ARMC6: variants seen among roughly 807,000 people sequenced by gnomAD.
The protein encoded by ARMC6 is armadillo repeat containing 6.
In ARMC6, 43 loss-of-function variants were observed where a neutral mutation model predicts 49.2. The ratio of observed to expected loss-of-function variants is 0.87; its 90% CI spans 0.69 to 1.13. The LOEUF is 1.13. Ranked by LOEUF, ARMC6 falls within the 50% of genes most tolerant of loss-of-function variation. ARMC6 has a pLI of 0.00. For missense variants in ARMC6, 627 were observed against 682.0 expected (o/e 0.92, Z 0.90); for synonymous variants, 262 against 289.6 (o/e 0.90, Z 0.97).
chr19:19,037,248 G>A (rs776092543), intron 2 of ARMC6, among the ~76,000 whole-genome samples: 5 of 152,022 alleles, frequency 3.3e-5, no homozygotes, highest in South Asian at 2.1e-4. Context: ...GGCTGGCTGC[G>A]AGCCAGTCCT....
chr19:19,035,768 G>A (rs34750402), intron 2 of ARMC6, among the ~76,000 whole-genome samples: 9,811 of 151,770 alleles, frequency 0.065, 383 homozygotes, highest in Middle Eastern at 0.15. Context: ...GTGTCAATCA[G>A]TTAGAAAGCT....
In ARMC6 at chr19:19,057,778, G is replaced by T. The variant is rs753498341; in HGVS notation, c.*150G>T. On this transcript the variant is annotated 3_prime_UTR_variant, in exon 9 of 9. Transcript: ENST00000535612. ...GGCCCTAGGTAAAGGGTCGGGGGAG[G>T]GGGGAGCCTTGTAGGGAGGCCTCTA... 3.7e-5 allele frequency: 32 copies of T among 864,524 alleles called. No individual in the cohort carries two copies. Among genetic ancestry groups the T allele is most frequent in the Admixed American group, 2.9e-4 (17 of 58,620 alleles). 53.6% of individuals were successfully genotyped at this position (864,524 alleles called of 1,614,324 possible). A position where few individuals can be genotyped will look rare whatever the true frequency, so the allele number is the denominator to read the frequency against.
At position 19,051,929 on chromosome 19, in the gene ARMC6, G is replaced by T. The variant is rs2059500665; in HGVS notation, c.587G>T (p.Cys196Phe). 6.2e-7 allele frequency: 1 copy of T among 1,614,034 alleles called. No individual in the cohort carries two copies. Among genetic ancestry groups the T allele is most frequent in the South Asian group, 1.1e-5 (1 of 91,088 alleles). The part of the protein sequence containing the change: ...TQNADEADLT[C>F]SGIRCVRHAC... ...AATGCTGATGAGGCTGACCTGACCT[G>T]CTCTGGGATCCGCTGTGTGCGTCAC... The change falls in exon 5 of 9, where the codon TGC (cysteine) becomes TTC (phenylalanine). Residue 196 changes from cysteine to phenylalanine, a missense_variant. Transcript: ENST00000535612.
Position 19,058,016 on chromosome 19 carries a change from G to T in ARMC6, c.*388G>T. The T allele has an allele frequency of 5.9e-6, 2 of 337,920 alleles. 1 individual carries two copies. The highest frequency in any genetic ancestry group is 5.2e-5 in the South Asian group (2 of 38,706). The allele number at this position is 337,920 out of a possible 1,614,324, so 20.9% of individuals were successfully genotyped here. A position where few individuals can be genotyped will look rare whatever the true frequency, so the allele number is the denominator to read the frequency against. ...TTCCAGTGGGGTTGGGCCCCCTGGC[G>T]CCTGCTGCTTACTGCAGTTTCATGC... On this transcript the variant is annotated 3_prime_UTR_variant, in exon 9 of 9. Transcript: ENST00000535612.
intron 5 of ARMC6, 85 bp from the exon 6 acceptor site, chr19:19,054,066 TC>T (rs1364927838): frequency 7.3e-7 from 1 of 1,373,840 alleles, no homozygotes; most frequent in South Asian, 1.6e-5. Context: ...GCTGGACTCT[TC>T]CAGTGGAGCA....
chr19:19,035,696 G>A (rs188936477), intron 2 of ARMC6, among the ~76,000 whole-genome samples: 1 of 152,304 alleles, frequency 6.6e-6, no homozygotes, highest in African/African-American at 2.4e-5. Flanking sequence ...AGGAAAGGCA[G>A]CCACCTGGAA....
chr19:19,057,998 G>T lies in ARMC6; in HGVS notation c.*370G>T. On this transcript the variant is annotated 3_prime_UTR_variant, in exon 9 of 9. Coordinates refer to ENST00000535612, the MANE Select transcript of ARMC6 (RefSeq NM_001199196.2). The stretch of plus-strand genomic sequence containing the variant: ...TCAGGGCAGGGCAGGCGATTCCAGT[G>T]GGGTTGGGCCCCCTGGCGCCTGCTG... The T allele has an allele frequency of 2.8e-6, 1 of 354,756 alleles. No homozygotes were observed. The highest frequency in any genetic ancestry group is 4.2e-5 in the Admixed American group (1 of 23,898). 22.0% of individuals were successfully genotyped at this position (354,756 alleles called of 1,614,324 possible). A position where few individuals can be genotyped will look rare whatever the true frequency, so the allele number is the denominator to read the frequency against.
chr19:19,035,529 A>G (rs766935482), intron 2 of ARMC6, among the ~76,000 whole-genome samples: 1 of 151,850 alleles, frequency 6.6e-6, no homozygotes, highest in Non-Finnish European at 1.5e-5. Context: ...TCCTCCTCCA[A>G]CTCAGCCCTG....
chr19:19,053,636 C>T (rs2059517908), intron 5 of ARMC6, among the ~76,000 whole-genome samples: 1 of 152,178 alleles, frequency 6.6e-6, no homozygotes, highest in African/African-American at 2.4e-5. Context: ...CGTCGCAGCC[C>T]TGTGTAGGTG....
chr19:19,037,277 G>A (rs2059378244), intron 2 of ARMC6, among the ~76,000 whole-genome samples: 1 of 152,032 alleles, frequency 6.6e-6, no homozygotes, highest in Admixed American at 6.6e-5. Context: ...CAGGCAGTGT[G>A]CAGTCCATGG....
In ARMC6 at chr19:19,052,002, C is replaced by T. The variant is rs1447424892; in HGVS notation, c.660C>T (p.Gly220=). Residue 220 remains glycine (G), a synonymous_variant, in exon 5 of 9, where the codon GGC becomes GGT. Coordinates refer to ENST00000535612, the MANE Select transcript of ARMC6 (RefSeq NM_001199196.2). ...EQNRQDLVKA[G]VLPLLTGAIT... ...ATCGGCAAGACCTGGTGAAAGCTGG[C>T]GTGCTGCCTCTGCTGACTGGTGCCA... 10 of 1,613,946 alleles carry T rather than the reference C, an allele frequency of 6.2e-6. No individual in the cohort carries two copies. The highest frequency in any genetic ancestry group is 2.7e-5 in the African/African-American group (2 of 74,942).
Position 19,057,670 on chromosome 19 carries a change from G to C in ARMC6, c.*42G>C. On this transcript the variant is annotated 3_prime_UTR_variant, in exon 9 of 9. Coordinates refer to ENST00000535612, the MANE Select transcript of ARMC6 (RefSeq NM_001199196.2). Reference sequence around the variant, plus strand: ...GGCCGTGACTCTGGGTGAGTCGTGTGACTCAGGAATGGGGGTAGATCCATG... The same window carrying C: ...GGCCGTGACTCTGGGTGAGTCGTGTCACTCAGGAATGGGGGTAGATCCATG... 1 of 1,584,666 alleles carries C rather than the reference G, an allele frequency of 6.3e-7. No homozygotes were observed. The highest frequency in any genetic ancestry group is 8.6e-7 in the Non-Finnish European group (1 of 1,160,706).
intron 2 of ARMC6, among the ~76,000 whole-genome samples, chr19:19,035,271 G>T (rs138506787): frequency 2.0e-5 from 3 of 152,180 alleles, no homozygotes; most frequent in South Asian, 2.1e-4. Flanking sequence ...CTCCCAAAGC[G>T]CTGGGATTAT....
At chr19:19,054,967 A>G (rs538535952) in intron 6 of ARMC6, among the ~76,000 whole-genome samples, 3 of 152,320 alleles carry the variant, frequency 2.0e-5, no homozygotes, top group South Asian at 4.1e-4. Flanking sequence ...AGTGCAGGGC[A>G]GTTAGCGCCT....
At chr19:19,034,305 G>A in intron 2 of ARMC6, 67 bp downstream of exon 2, 2 of 1,553,148 alleles carry the variant, frequency 1.3e-6, no homozygotes, top group Non-Finnish European at 1.7e-6. Flanking sequence ...ATCTAGAAGT[G>A]GTTTTGAAGG....
At position 19,052,268 on chromosome 19, in the gene ARMC6, G is replaced by A. The variant is rs79896188; in HGVS notation, c.853+73G>A. On this transcript the variant is annotated intron_variant, in intron 5 of 8. Coordinates refer to ENST00000535612, the MANE Select transcript of ARMC6 (RefSeq NM_001199196.2). ...AGATGTGACCAGAGTGAGGGTCAGGGCTCAGGACTGCTTTAGGCACGGCAG... is the reference window on the plus strand; with the variant it reads ...AGATGTGACCAGAGTGAGGGTCAGGACTCAGGACTGCTTTAGGCACGGCAG... The A allele has an allele frequency of 1.0e-3, 1,448 of 1,379,210 alleles. 12 individuals are homozygous for A. In the African/African-American group the frequency reaches 0.019, roughly 18 times the overall value. 85.4% of individuals were successfully genotyped at this position (1,379,210 alleles called of 1,614,324 possible).
At chr19:19,056,385 C>T (rs910129400) in intron 8 of ARMC6, among the ~76,000 whole-genome samples, 3 of 151,816 alleles carry the variant, frequency 2.0e-5, no homozygotes, top group East Asian at 1.9e-4. Flanking sequence ...TCTCAGTCTC[C>T]CGAGTAGCTG....
intron 8 of ARMC6, among the ~76,000 whole-genome samples, chr19:19,056,332 GCTCACTGCAACCT>G (rs979845841): frequency 4.7e-5 from 7 of 148,798 alleles, no homozygotes; most frequent in Non-Finnish European, 1.0e-4. Context: ...CGCCATCTCA[GCTCACTGCAACCT>G]CTGCCTCCTG....
chr19:19,034,704 T>G (rs1404632709), intron 2 of ARMC6, among the ~76,000 whole-genome samples: 2 of 152,004 alleles, frequency 1.3e-5, no homozygotes, highest in African/African-American at 4.8e-5. Context: ...TTCCCCTGCC[T>G]CAGCCTCCCG....
Sources: gnomAD v4.1 joint callset for allele counts (sites outside exome capture counted in the v4.1 genomes callset) on GRCh38, gnomAD v4.1.1 for gene constraint, MANE v1.5 for transcripts, NCBI Gene and HGNC (gene_info 2026-07-23, HGNC 2026-07-21) for gene names.